The following HS6ST3 variants were observed in gnomAD, a reference collection of about 807,000 sequenced individuals.
HS6ST3 encodes heparan-sulfate 6-O-sulfotransferase 3.
Under a neutral mutation model 36.7 loss-of-function variants are expected in HS6ST3, and 12 were observed. The observed-to-expected ratio is 0.33, with a 90% CI of 0.21 to 0.53. The LOEUF (loss-of-function observed/expected upper bound fraction) is 0.53. Ranked by LOEUF, HS6ST3 falls within the 20% of genes least tolerant of loss-of-function variation. The pLI is 0.95. For missense variants in HS6ST3, 584 were observed against 640.9 expected, an observed-to-expected ratio of 0.91 and a Z score of 0.96; for synonymous variants, 240 against 257.5, an observed-to-expected ratio of 0.93 and a Z score of 0.65.
At chr13:96,803,329 G>A (rs1482244279) in intron 1 of HS6ST3, among the ~76,000 whole-genome samples, 1 of 152,092 alleles carries the variant, frequency 6.6e-6, no homozygotes, top group African/African-American at 2.4e-5. Flanking sequence ...TAACTAATTA[G>A]CCCATTAACT....
At chr13:96,397,227 C>A (rs1388568990) in intron 1 of HS6ST3, among the ~76,000 whole-genome samples, 2 of 152,042 alleles carry the variant, frequency 1.3e-5, no homozygotes, top group South Asian at 4.1e-4. Context: ...AAAACAAAAA[C>A]AAAAACTGCA....
intron 1 of HS6ST3, among the ~76,000 whole-genome samples, chr13:96,654,193 G>T (rs2056616975): frequency 6.6e-6 from 1 of 152,142 alleles, no homozygotes; most frequent in South Asian, 2.1e-4. Context: ...CTTTTGCTGT[G>T]TAGAAGCTCT....
chr13:96,674,903 G>A (rs1250280967), intron 1 of HS6ST3, among the ~76,000 whole-genome samples: 1 of 152,156 alleles, frequency 6.6e-6, no homozygotes, highest in Admixed American at 6.6e-5. Flanking sequence ...GTGAGTTTAT[G>A]CCCTTTTCAT....
At chr13:96,751,965 A>G (rs1594851893) in intron 1 of HS6ST3, among the ~76,000 whole-genome samples, 1 of 151,986 alleles carries the variant, frequency 6.6e-6, no homozygotes, top group African/African-American at 2.4e-5. Context: ...ACTGTTCACT[A>G]AAGTTAAGAA....
intron 1 of HS6ST3, among the ~76,000 whole-genome samples, chr13:96,722,166 G>A (rs1254670254): frequency 6.6e-6 from 1 of 152,120 alleles, no homozygotes; most frequent in African/African-American, 2.4e-5. Context: ...CTTGGCAACT[G>A]AGACAGGATC....
At chr13:96,464,000 C>T (rs2055798164) in intron 1 of HS6ST3, among the ~76,000 whole-genome samples, 1 of 137,676 alleles carries the variant, frequency 7.3e-6, no homozygotes, top group Non-Finnish European at 1.6e-5. Context: ...TGAATCTGTC[C>T]CATTAGTCCC....
intron 1 of HS6ST3, among the ~76,000 whole-genome samples, chr13:96,267,927 T>C (rs2054700656): frequency 6.6e-6 from 1 of 151,876 alleles, no homozygotes; most frequent in Admixed American, 6.6e-5. Context: ...CACTCAGGCC[T>C]CTTCTCATGA....
At chr13:96,589,167 C>A (rs535602033) in intron 1 of HS6ST3, among the ~76,000 whole-genome samples, 26 of 151,984 alleles carry the variant, frequency 1.7e-4, no homozygotes, top group African/African-American at 6.3e-4. Context: ...GTAAAGCCAC[C>A]AGGTCCTGGG....
intron 1 of HS6ST3, among the ~76,000 whole-genome samples, chr13:96,799,944 GTATA>G (rs34679351): frequency 0.031 from 2,700 of 88,056 alleles, 148 homozygotes; most frequent in East Asian, 0.14. Context: ...ATATGTGTGT[GTATA>G]TATATATATA....
intron 1 of HS6ST3, among the ~76,000 whole-genome samples, chr13:96,739,568 TCATCTCACAGCCCACATCCAAGC>T (rs1876381784): frequency 6.6e-6 from 1 of 152,124 alleles, no homozygotes; most frequent in South Asian, 2.1e-4. Flanking sequence ...CTTGACTCCT[TCATCTCACAGCCCACATCCAAGC>T]CATGGTCTGT....
At chr13:96,563,817 A>G (rs1246482042) in intron 1 of HS6ST3, among the ~76,000 whole-genome samples, 6 of 152,156 alleles carry the variant, frequency 3.9e-5, no homozygotes, top group African/African-American at 1.4e-4. Flanking sequence ...AATGAGCCCA[A>G]TCAACCTCTC....
intron 1 of HS6ST3, among the ~76,000 whole-genome samples, chr13:96,670,568 A>T (rs575942914): frequency 7.9e-5 from 12 of 152,194 alleles, no homozygotes; most frequent in Middle Eastern, 3.4e-3. Flanking sequence ...ATGGAATACA[A>T]ACCACAAGAG....
Position 96,714,555 on chromosome 13 carries a change from G to A in HS6ST3, c.708-117935G>A, listed in dbSNP as rs559529249. On this transcript the variant is annotated intron_variant, in intron 1 of 1. Transcript: ENST00000376705. Reference sequence around the variant, plus strand: ...AGTGTTGCTGGTAGGAATTTTAATTGGTATCAGTAGTTTAGAGATTGATTT... The same window carrying A: ...AGTGTTGCTGGTAGGAATTTTAATTAGTATCAGTAGTTTAGAGATTGATTT... Among the ~76,000 whole-genome samples, 41 of 152,228 alleles carry A rather than the reference G, an allele frequency of 2.7e-4. No homozygotes were observed. In the South Asian group the frequency reaches 7.5e-3, roughly 28 times the overall value.
chr13:96,417,565 T>A (rs1420813500), intron 1 of HS6ST3, among the ~76,000 whole-genome samples: 1 of 148,950 alleles, frequency 6.7e-6, no homozygotes. Context: ...GGGCCCAGCA[T>A]GGTGAAAAAA....
intron 1 of HS6ST3, among the ~76,000 whole-genome samples, chr13:96,438,619 T>C (rs1354397310): frequency 6.6e-6 from 1 of 152,206 alleles, no homozygotes; most frequent in East Asian, 1.9e-4. Context: ...ACCACTTCAG[T>C]CAAAATGTAC....
At chr13:96,166,656 C>G (rs1214575824) in intron 1 of HS6ST3, among the ~76,000 whole-genome samples, 1 of 148,890 alleles carries the variant, frequency 6.7e-6, no homozygotes, top group South Asian at 2.1e-4. Flanking sequence ...AAGTGATCAG[C>G]CCACCTTGGC....
chr13:96,117,744 C>T (rs2053900318), intron 1 of HS6ST3, among the ~76,000 whole-genome samples: 2 of 152,130 alleles, frequency 1.3e-5, no homozygotes, highest in Admixed American at 6.6e-5. Flanking sequence ...ATGTAATAGA[C>T]TGCATGAATC....
intron 1 of HS6ST3, among the ~76,000 whole-genome samples, chr13:96,678,919 C>T (rs2056708612): frequency 6.6e-6 from 1 of 151,966 alleles, no homozygotes; most frequent in Non-Finnish European, 1.5e-5. Context: ...AGAACAAAGA[C>T]AGCAGAATTT....
At chr13:96,109,468 T>C (rs1043800170) in intron 1 of HS6ST3, among the ~76,000 whole-genome samples, 1 of 152,204 alleles carries the variant, frequency 6.6e-6, no homozygotes. Flanking sequence ...TATTACAGTT[T>C]CCAAAAGGTT....
Sources: allele counts gnomAD v4.1 joint callset (sites outside exome capture counted in the v4.1 genomes callset), GRCh38; gene constraint gnomAD v4.1.1; transcripts MANE v1.5; gene names NCBI Gene and HGNC (gene_info 2026-07-23, HGNC 2026-07-21).